Variants in PTPRM observed in about 807,000 individuals in gnomAD.
PTPRM encodes the protein receptor-type tyrosine-protein phosphatase mu.
Under a neutral mutation model 186.7 loss-of-function variants are expected in PTPRM, and 47 were observed. That is an observed-to-expected ratio of 0.25 (90% CI 0.20 to 0.32). PTPRM has a LOEUF of 0.32. Among genes scored for constraint, PTPRM ranks in the 10% least tolerant of loss-of-function variants. PTPRM has a pLI of 1.00. For missense variants in PTPRM, 1,494 were observed against 1,865.0 expected, an observed-to-expected ratio of 0.80 and a Z score of 3.66; for synonymous variants, 668 against 674.9, an observed-to-expected ratio of 0.99 and a Z score of 0.16.
chr18:7,646,223 A>G (rs1005982769), intron 1 of PTPRM, among the ~76,000 whole-genome samples: 2 of 152,188 alleles, frequency 1.3e-5, no homozygotes, highest in African/African-American at 4.8e-5. Context: ...TAAGGGGTGC[A>G]GGTGGGATTA....
Position 8,386,754 on chromosome 18 carries a change from G to A in PTPRM, c.4045-318G>A, listed in dbSNP as rs575016139. On this transcript the variant is annotated intron_variant, in intron 30 of 32. Transcript: ENST00000580170. ...TACCTGTAATTTACCTGTAATTGAA[G>A]TTATTTTACCACTTAACATGACAAT... Among the ~76,000 whole-genome samples the A allele has an allele frequency of 2.0e-5, 3 of 152,254 alleles. No individual in the cohort carries two copies. In the South Asian group the frequency reaches 6.2e-4, roughly 32 times the overall value.
intron 6 of PTPRM, among the ~76,000 whole-genome samples, chr18:7,953,776 C>A (rs950644401): frequency 3.9e-5 from 6 of 152,142 alleles, no homozygotes; most frequent in African/African-American, 1.4e-4. Flanking sequence ...CTCTGAGGTC[C>A]TCTGCAGCAG....
intron 8 of PTPRM, among the ~76,000 whole-genome samples, chr18:8,073,179 A>G (rs1022068980): frequency 6.6e-6 from 1 of 152,242 alleles, no homozygotes; most frequent in African/African-American, 2.4e-5. Context: ...CTGCACATGG[A>G]TTAACACATA....
rs1036433917 is a variant in PTPRM at position 8,244,183 on chromosome 18, T to C, written c.2426T>C (p.Met809Thr). ...AACTGCGACGAGGCTTTCTCATTCATGGACACGCACAATCTGAATGGGAGA... is the reference window on the plus strand; with the variant it reads ...AACTGCGACGAGGCTTTCTCATTCACGGACACGCACAATCTGAATGGGAGA... Reference protein sequence around the residue: ...GTNCDEAFSFMDTHNLNGRSV... With the variant: ...GTNCDEAFSFTDTHNLNGRSV... The change falls in exon 15 of 33, where the codon ATG (methionine) becomes ACG (threonine). Residue 809 changes from methionine to threonine, a missense_variant. Coordinates refer to ENST00000580170, the MANE Select transcript of PTPRM (RefSeq NM_001105244.2). 6.3e-7 allele frequency: 1 copy of C among 1,593,470 alleles called. No homozygotes were observed. Among genetic ancestry groups the C allele is most frequent in the Non-Finnish European group, 8.5e-7 (1 of 1,172,756 alleles).
intron 1 of PTPRM, among the ~76,000 whole-genome samples, chr18:7,683,545 T>C (rs1206025595): frequency 3.3e-5 from 5 of 152,110 alleles, no homozygotes; most frequent in South Asian, 2.1e-4. Context: ...AAGTATCTTA[T>C]TGGATGTGGG....
At chr18:7,597,157 T>C (rs1272902580) in intron 1 of PTPRM, among the ~76,000 whole-genome samples, 2 of 152,190 alleles carry the variant, frequency 1.3e-5, no homozygotes, top group African/African-American at 4.8e-5. Context: ...CCTTCGTTTA[T>C]CTTTTAATTC....
intron 11 of PTPRM, among the ~76,000 whole-genome samples, chr18:8,092,166 GC>G (rs1432116236): frequency 6.6e-6 from 1 of 151,962 alleles, no homozygotes; most frequent in East Asian, 1.9e-4. Context: ...CAAACACTCA[GC>G]TTGGTTCATG....
chr18:8,133,557 A>G (rs1048364343), intron 13 of PTPRM, among the ~76,000 whole-genome samples: 14 of 152,192 alleles, frequency 9.2e-5, no homozygotes, highest in African/African-American at 2.7e-4. Flanking sequence ...CTGCAAAGCA[A>G]TTAGGAGCAG....
intron 22 of PTPRM, among the ~76,000 whole-genome samples, chr18:8,333,094 A>G (rs1309995222): frequency 1.3e-5 from 2 of 152,168 alleles, no homozygotes; most frequent in African/African-American, 2.4e-5. Flanking sequence ...TTTGCTTGTA[A>G]TTCATTAGTT....
chr18:7,881,848 C>T (rs1211176482), intron 2 of PTPRM, among the ~76,000 whole-genome samples: 3 of 152,170 alleles, frequency 2.0e-5, no homozygotes, highest in Non-Finnish European at 4.4e-5. Flanking sequence ...TTCACCATGA[C>T]CATGTGTGTC....
intron 20 of PTPRM, among the ~76,000 whole-genome samples, chr18:8,300,938 A>G (rs1467516742): frequency 6.6e-6 from 1 of 152,138 alleles, no homozygotes; most frequent in Non-Finnish European, 1.5e-5. Context: ...TGACCCACGC[A>G]TACATCATGA....
intron 7 of PTPRM, among the ~76,000 whole-genome samples, chr18:8,011,992 CTT>C (rs1266014374): frequency 6.6e-6 from 1 of 152,072 alleles, no homozygotes; most frequent in Non-Finnish European, 1.5e-5. Flanking sequence ...TTCATCCCTC[CTT>C]TTTGTAGAGA....
chr18:7,830,373 C>G (rs1156639685), intron 2 of PTPRM, among the ~76,000 whole-genome samples: 2 of 152,164 alleles, frequency 1.3e-5, no homozygotes, highest in Non-Finnish European at 1.5e-5. Flanking sequence ...CATTTACAGA[C>G]ATGCACCACT....
At chr18:7,996,116 TG>T (rs1192661593) in intron 7 of PTPRM, among the ~76,000 whole-genome samples, 1 of 152,146 alleles carries the variant, frequency 6.6e-6, no homozygotes, top group Non-Finnish European at 1.5e-5. Context: ...TTTTATTTCT[TG>T]GTAGGTAAAG....
intron 20 of PTPRM, among the ~76,000 whole-genome samples, chr18:8,302,658 C>T (rs1466435304): frequency 1.3e-5 from 2 of 151,984 alleles, no homozygotes; most frequent in African/African-American, 4.8e-5. Context: ...AAGTAATGGA[C>T]CCAACCGAAA....
intron 3 of PTPRM, among the ~76,000 whole-genome samples, chr18:7,904,052 A>G (rs2049847712): frequency 6.6e-6 from 1 of 152,138 alleles, no homozygotes; most frequent in Non-Finnish European, 1.5e-5. Flanking sequence ...GATTTTTCGT[A>G]TGAACTAATG....
intron 2 of PTPRM, among the ~76,000 whole-genome samples, chr18:7,790,537 C>G (rs776492533): frequency 6.6e-6 from 1 of 152,194 alleles, no homozygotes; most frequent in Non-Finnish European, 1.5e-5. Flanking sequence ...TATTAACAGT[C>G]TTATTTTGAA....
chr18:7,851,681 G>A (rs2145942419), intron 2 of PTPRM, among the ~76,000 whole-genome samples: 1 of 151,852 alleles, frequency 6.6e-6, no homozygotes, highest in East Asian at 1.9e-4. Context: ...CAGCAGAATT[G>A]CACCAAAGGA....
At chr18:8,191,880 A>G (rs1471964737) in intron 14 of PTPRM, among the ~76,000 whole-genome samples, 1 of 152,230 alleles carries the variant, frequency 6.6e-6, no homozygotes, top group African/African-American at 2.4e-5. Flanking sequence ...GAATCTGACT[A>G]TGTAGCAAAT....
Sources: gnomAD v4.1 joint callset for allele counts (sites outside exome capture counted in the v4.1 genomes callset) on GRCh38, gnomAD v4.1.1 for gene constraint, MANE v1.5 for transcripts, NCBI Gene and HGNC (gene_info 2026-07-23, HGNC 2026-07-21) for gene names.